Variants in EIF2D observed in about 807,000 individuals in gnomAD.
The protein encoded by EIF2D is hepatocellular carcinoma-associated antigen 56.
Under a neutral mutation model 77.4 loss-of-function variants are expected in EIF2D, and 56 were observed. That is an observed-to-expected ratio of 0.72 (90% CI 0.58 to 0.90). EIF2D has a LOEUF of 0.90. EIF2D is among the 40% of genes least tolerant of loss of function. EIF2D has a pLI of 0.00. For missense variants in EIF2D, 574 were observed against 706.5 expected (o/e 0.81, Z 2.13); for synonymous variants, 230 against 271.0 (o/e 0.85, Z 1.49).
intron 13 of EIF2D, 75 bp downstream of exon 13, chr1:206,595,643 A>G (rs566982069): frequency 4.5e-5 from 69 of 1,534,030 alleles, no homozygotes; most frequent in South Asian, 2.6e-4. Context: ...AAAACCTCCA[A>G]TCACATTAGG....
rs1553409433 is a variant in EIF2D at position 206,593,608 on chromosome 1, G to A, written c.1684+11C>T. The A allele has an allele frequency of 6.3e-7, 1 of 1,597,192 alleles. No individual in the cohort carries two copies. The highest frequency in any genetic ancestry group is 8.6e-7 in the Non-Finnish European group (1 of 1,168,312). On this transcript the variant is annotated intron_variant, in intron 14 of 14. Coordinates refer to ENST00000271764, the MANE Select transcript of EIF2D (RefSeq NM_006893.3). The stretch of plus-strand genomic sequence containing the variant: ...AGACCAATGCCTCCACTCTTCAGAG[G>A]GGATGCTCACCAAGCAATAGCCAGC...
At chr1:206,587,079 C>G, downstream of EIF2D, 1 of 1,412,922 alleles carries the variant, frequency 7.1e-7, no homozygotes, top group Non-Finnish European at 9.8e-7. Flanking sequence ...CTGGCAGGTG[C>G]ATTTGTGCCT....
intron 4 of EIF2D, among the ~76,000 whole-genome samples, chr1:206,576,839 T>C (rs532126383): frequency 3.2e-4 from 49 of 152,300 alleles, no homozygotes; most frequent in African/African-American, 1.2e-3. Flanking sequence ...TCTTGCTCTG[T>C]CACCTAGGCT....
At position 206,572,181 on chromosome 1, in the gene EIF2D, C is replaced by T. The variant is rs566318284; in HGVS notation, c.*359+414G>A. On this transcript the variant is annotated intron_variant and NMD_transcript_variant, in intron 5 of 5. Coordinates refer to the EIF2D transcript ENST00000472709. ...TACATTTATTTTGGGGTTTAGGGTG[C>T]ATGCGTGTTACTGCTTCTTTGTGTT... 6.1e-5 allele frequency among the ~76,000 whole-genome samples: 9 copies of T among 147,628 alleles called. No homozygotes were observed. In the East Asian group the frequency reaches 1.9e-3, roughly 31 times the overall value.
intron 14 of EIF2D, 22 bp from the exon 15 acceptor site, chr1:206,591,867 C>A (rs112458385): frequency 8.1e-6 from 13 of 1,613,858 alleles, no homozygotes; most frequent in African/African-American, 5.3e-5. Flanking sequence ...AAAGCACACA[C>A]TCCTCAGCGG....
intron 4 of EIF2D, among the ~76,000 whole-genome samples, chr1:206,577,599 C>A (rs552360551): frequency 1.6e-4 from 24 of 152,308 alleles, no homozygotes; most frequent in African/African-American, 5.8e-4. Context: ...TTGTGTTCAT[C>A]CTGCAGGTAC....
Position 206,599,709 on chromosome 1 carries a change from CA to C in EIF2D, c.1052+23del. 6.2e-7 allele frequency: 1 copy of C among 1,613,908 alleles called. No individual in the cohort carries two copies. The highest frequency in any genetic ancestry group is 8.5e-7 in the Non-Finnish European group (1 of 1,179,804). ...AGGTGCCCTGGGGCCAGCTGGGCTA[CA>C]GTGACAGGCCCCCTGCACTCACCTC... is the stretch of plus-strand genomic sequence containing the variant. On this transcript the variant is annotated intron_variant, in intron 9 of 14. Transcript: ENST00000271764. The surrounding 1 kb of genome is among the most constrained non-coding windows in gnomAD (Gnocchi z 4.1).
chr1:206,612,358 C>T lies in EIF2D; in HGVS notation c.-16G>A. ...TGGCAAACATGTCTGCTGGGGTGGC[C>T]TGGGGAAGAGAGCACAGAAGCCAGG... On this transcript the variant is annotated 5_prime_UTR_variant, in exon 1 of 15. Coordinates refer to ENST00000271764, the MANE Select transcript of EIF2D (RefSeq NM_006893.3). 6.2e-7 allele frequency: 1 copy of T among 1,614,254 alleles called. No homozygotes were observed. The highest frequency in any genetic ancestry group is 1.3e-5 in the African/African-American group (1 of 75,078).
chr1:206,569,511 G>A (rs782344994), downstream of EIF2D, among the ~76,000 whole-genome samples: 3 of 152,246 alleles, frequency 2.0e-5, no homozygotes, highest in Non-Finnish European at 4.4e-5. Flanking sequence ...AGCCTTGGCT[G>A]CATTAAAGGA....
At chr1:206,608,105 C>A in intron 4 of EIF2D, 131 bp downstream of exon 4, 1 of 687,300 alleles carries the variant, frequency 1.5e-6, no homozygotes, top group Non-Finnish European at 2.4e-6. Flanking sequence ...TCCTGCTGGC[C>A]CACTCTGCTT....
Position 206,612,460 on chromosome 1 carries a change from A to G in EIF2D, c.-118T>C. 6 of 1,352,474 alleles carry G rather than the reference A, an allele frequency of 4.4e-6. No homozygotes were observed. Among genetic ancestry groups the G allele is most frequent in the Non-Finnish European group, 6.3e-6 (6 of 957,416 alleles). 83.8% of individuals were successfully genotyped at this position (1,352,474 alleles called of 1,614,324 possible). On this transcript the variant is annotated 5_prime_UTR_variant, in exon 1 of 15. Transcript: ENST00000271764. ...GCAGCCATGCTGGGGCCCGGCCGCG[A>G]AAAGGGCCCGGCTGGAAACCAGGGC...
intron 4 of EIF2D, among the ~76,000 whole-genome samples, chr1:206,574,399 C>T (rs148927552): frequency 1.1e-4 from 16 of 152,352 alleles, no homozygotes; most frequent in African/African-American, 2.9e-4. Flanking sequence ...GTGCCTTTCA[C>T]GATCCTCACC....
In EIF2D at chr1:206,603,540, T is replaced by A. The variant is rs1431914689; in HGVS notation, c.531-336A>T. The A allele has an allele frequency of 1.3e-5, 3 of 223,816 alleles. No individual in the cohort carries two copies. In the East Asian group the frequency reaches 2.9e-4, roughly 22 times the overall value. The allele number at this position is 223,816 out of a possible 1,614,324, so 13.9% of individuals were successfully genotyped here. A position where few individuals can be genotyped will look rare whatever the true frequency, so the allele number is the denominator to read the frequency against. Reference sequence around the variant, plus strand: ...AACTCCCAAAAATGTTCCCTTCATCTGAGTTAATAACAAAACCAATTTGAA... The same window carrying A: ...AACTCCCAAAAATGTTCCCTTCATCAGAGTTAATAACAAAACCAATTTGAA... On this transcript the variant is annotated intron_variant, in intron 5 of 14. Transcript: ENST00000271764.
intron 1 of EIF2D, 44 bp downstream of exon 1, chr1:206,612,243 T>A: frequency 6.2e-7 from 1 of 1,612,668 alleles, no homozygotes; most frequent in Non-Finnish European, 8.5e-7. Context: ...GCCCAAGAGG[T>A]GTCTGGTTGT....
At chr1:206,593,504 A>AGTGTGTGTGTGTGCGT in intron 14 of EIF2D, 115 bp downstream of exon 14, 3 of 404,958 alleles carry the variant, frequency 7.4e-6, no homozygotes, top group African/African-American at 4.5e-5. Context: ...AGAGAGAGAG[A>AGTGTGTGTGTGTGCGT]GAGAGTGTGT....
chr1:206,611,969 GC>G (rs1670518943), intron 1 of EIF2D, among the ~76,000 whole-genome samples: 1 of 152,142 alleles, frequency 6.6e-6, no homozygotes, highest in African/African-American at 2.4e-5. Context: ...GGGGCATTAA[GC>G]TCTTTGGAGG....
downstream of EIF2D, chr1:206,588,266 A>G (rs2102266616): frequency 6.5e-6 from 1 of 152,848 alleles, no homozygotes; most frequent in South Asian, 2.1e-4. Flanking sequence ...GTATGGGTTG[A>G]GGGTCACAGA....
At chr1:206,598,861 T>C in intron 11 of EIF2D, 142 bp downstream of exon 11, 3 of 754,350 alleles carry the variant, frequency 4.0e-6, no homozygotes, top group Non-Finnish European at 6.4e-6. Flanking sequence ...CCACAGCCCA[T>C]GGTTTGGAAA....
chr1:206,608,744 T>C (rs189837219), intron 3 of EIF2D, among the ~76,000 whole-genome samples: 1 of 152,302 alleles, frequency 6.6e-6, no homozygotes, highest in African/African-American at 2.4e-5. Flanking sequence ...CTCCTAACAT[T>C]CTTCTGGCAT....
Sources: gnomAD v4.1 joint callset for allele counts (sites outside exome capture counted in the v4.1 genomes callset) on GRCh38, gnomAD v4.1.1 for gene constraint, Gnocchi (gnomAD v3.1) non-coding constraint, MANE v1.5 for transcripts, NCBI Gene and HGNC (gene_info 2026-07-23, HGNC 2026-07-21) for gene names.